ADAMTS7: variants seen among roughly 807,000 people sequenced by gnomAD.
The protein encoded by ADAMTS7 is A disintegrin and metalloproteinase with thrombospondin motifs 7.
Under a neutral mutation model 172.6 loss-of-function variants are expected in ADAMTS7, and 89 were observed. The ratio of observed to expected loss-of-function variants is 0.52; its 90% confidence interval spans 0.43 to 0.61. The LOEUF is 0.61. ADAMTS7 is among the 20% of genes least tolerant of loss of function. The probability of loss-of-function intolerance (pLI) is 0.00; values close to 1 mark genes in which losing one functional copy is unlikely to be tolerated. For synonymous variants in ADAMTS7, 885 were observed against 978.4 expected (o/e 0.90, Z 1.78); for missense variants, 1,973 against 2,355.6 (o/e 0.84, Z 3.36).
chr15:78,785,299 C>G (rs1229864498), intron 8 of ADAMTS7, among the ~76,000 whole-genome samples: 1 of 151,930 alleles, frequency 6.6e-6, no homozygotes, highest in African/African-American at 2.4e-5. Flanking sequence ...ATCTGTAATC[C>G]CAGCACTTTG....
rs376181286 is a variant in ADAMTS7, at chr15:78,762,959, G to A, written c.4741-394C>T. Among the ~76,000 whole-genome samples the A allele has an allele frequency of 3.8e-4, 58 of 152,338 alleles. 2 individuals carry two copies. The highest frequency in any genetic ancestry group is 1.0e-3 in the African/African-American group (43 of 41,578). ...CGAGGGACAGGGCAGAGGACCTGCC[G>A]CAGCCCATGGGCAGGAGGGCAGGAG... is the stretch of plus-strand genomic sequence containing the variant. On this transcript the variant is annotated intron_variant, in intron 22 of 23. Transcript: ENST00000388820.
chr15:78,799,028 G>T (rs1330778606), intron 2 of ADAMTS7, among the ~76,000 whole-genome samples: 4 of 145,210 alleles, frequency 2.8e-5, no homozygotes, highest in African/African-American at 1.0e-4. Flanking sequence ...TCTGTGAAAT[G>T]GGAATGATGC....
intron 4 of ADAMTS7, among the ~76,000 whole-genome samples, chr15:78,794,025 G>A (rs2055613230): frequency 6.6e-6 from 1 of 152,132 alleles, no homozygotes; most frequent in South Asian, 2.1e-4. Context: ...CACTTTGGGA[G>A]GACGAGGCGG....
chr15:78,805,938 G>C (rs1476066255), intron 1 of ADAMTS7, among the ~76,000 whole-genome samples: 2 of 151,736 alleles, frequency 1.3e-5, no homozygotes, highest in Non-Finnish European at 2.9e-5. Flanking sequence ...AAATTAGCCA[G>C]GCATGGTGGT....
Position 78,766,421 on chromosome 15 carries a change from T to A in ADAMTS7, c.3490A>T (p.Ile1164Leu), listed in dbSNP as rs769789257. The A allele has an allele frequency of 2.0e-6, 3 of 1,525,734 alleles. No individual in the cohort carries two copies. Among genetic ancestry groups the A allele is most frequent in the South Asian group, 2.3e-5 (2 of 87,328 alleles). 94.5% of individuals were successfully genotyped at this position (1,525,734 alleles called of 1,614,324 possible). The change falls in exon 19 of 24, where the codon ATA becomes TTA. Residue 1164 changes from isoleucine to leucine, a missense_variant. Physicochemically the swap from Ile to Leu is conservative, Grantham distance 5. Around this residue, in one of 8 missense-constraint regions of ADAMTS7, gnomAD observed 771 missense variants for 952.6 expected, o/e 0.81. Coordinates refer to ENST00000388820, the MANE Select transcript of ADAMTS7 (RefSeq NM_014272.5). ...GGGAGCCCAAGATCTGGGGCCCCTA[T>A]GGGGGTGTCTTCCTCAGGCAGGAAA... is the stretch of plus-strand genomic sequence containing the variant. The part of the protein sequence containing the change: ...INFLPEEDTP[I>L]GAPDLGLPSL...
chr15:78,777,902 C>T (rs1047781380), intron 8 of ADAMTS7, among the ~76,000 whole-genome samples: 13 of 152,214 alleles, frequency 8.5e-5, no homozygotes, highest in African/African-American at 2.4e-4. Flanking sequence ...GTCATGTGGC[C>T]CTGCTCTCCG....
chr15:78,765,373 CGG>C (rs990384946), intron 19 of ADAMTS7, among the ~76,000 whole-genome samples: 2 of 152,248 alleles, frequency 1.3e-5, no homozygotes, highest in African/African-American at 4.8e-5. Context: ...GGCGGCCATG[CGG>C]GGACCGTCCC....
At chr15:78,796,561 C>T in intron 4 of ADAMTS7, 29 bp downstream of exon 4, 1 of 1,592,462 alleles carries the variant, frequency 6.3e-7, no homozygotes, top group Non-Finnish European at 8.6e-7. Flanking sequence ...ACCATCCCCG[C>T]CACCCGCTCC....
chr15:78,764,652 C>A lies in ADAMTS7; in HGVS notation c.4322G>T (p.Gly1441Val), dbSNP rs765037682. 4.4e-6 allele frequency: 7 copies of A among 1,576,060 alleles called. No homozygotes were observed. Among genetic ancestry groups the A allele is most frequent in the Non-Finnish European group, 6.0e-6 (7 of 1,170,056 alleles). ...AVWRPVRCSS[G>V]RDEDCAPAGR... ...AGCGGGGGCGCAGTCCTCATCCCGG[C>A]CGGAGCTACAGCGCACCGGCCTCCA... The change falls in exon 20 of 24, where the codon GGC becomes GTC. Residue 1441 changes from glycine to valine, a missense_variant. By Grantham distance (109) the Gly-to-Val change is moderately radical (BLOSUM62 -3). This residue lies in a region of ADAMTS7 where 218 missense variants were observed against 216.9 expected (regional missense o/e 1.01). Coordinates refer to ENST00000388820, the MANE Select transcript of ADAMTS7 (RefSeq NM_014272.5).
At position 78,776,834 on chromosome 15, in the gene ADAMTS7, C is replaced by T; in HGVS notation, c.1475G>A (p.Cys492Tyr). ...CCCCACAGAGCACCAGAGTGTGTGG[C>T]AGACATTCTGCGAGGAGGAGGGCAT... ...SAFCEDMDNV[C>Y]HTLWCSVGTT... Residue 492 changes from cysteine to tyrosine, a missense_variant, in exon 10 of 24, where the codon TGC becomes TAC. Cys to Tyr is a radical substitution (Grantham distance 194). Around this residue, in one of 8 missense-constraint regions of ADAMTS7, gnomAD observed 526 missense variants for 662.9 expected, o/e 0.79. Transcript: ENST00000388820. 2 of 1,543,884 alleles carry T rather than the reference C, an allele frequency of 1.3e-6. No individual in the cohort carries two copies.
chr15:78,805,681 C>T (rs955005249), intron 1 of ADAMTS7, among the ~76,000 whole-genome samples: 2 of 152,188 alleles, frequency 1.3e-5, no homozygotes, highest in African/African-American at 4.8e-5. Flanking sequence ...TTTACGTTAC[C>T]TGCCTAGTCC....
At chr15:78,788,096 C>T (rs1267761416) in intron 8 of ADAMTS7, 135 bp downstream of exon 8, 24 of 1,238,360 alleles carry the variant, frequency 1.9e-5, no homozygotes, top group Admixed American at 4.3e-5. Context: ...CCCCATTAGA[C>T]CTTGACCTCA....
intron 1 of ADAMTS7, among the ~76,000 whole-genome samples, chr15:78,802,192 CT>C (rs752420183): frequency 2.0e-5 from 3 of 152,022 alleles, no homozygotes; most frequent in Non-Finnish European, 4.4e-5. Context: ...GAACTTAGTC[CT>C]TTTTTGGTAT....
Position 78,764,917 on chromosome 15 carries a change from TCC to T in ADAMTS7, c.4267-212_4267-211del, listed in dbSNP as rs973861117. The T allele has an allele frequency of 3.4e-5, 18 of 523,670 alleles. No homozygotes were observed. In the Admixed American group the frequency reaches 6.3e-4, roughly 18 times the overall value. 32.4% of individuals were successfully genotyped at this position (523,670 alleles called of 1,614,324 possible). On this transcript the variant is annotated intron_variant, in intron 19 of 23. Transcript: ENST00000388820. ...GTCAAATCCCCTCAGCAACCAGCCG[TCC>T]CTGCTCACATGGGACAAAGGGCCTG... is the stretch of plus-strand genomic sequence containing the variant.
intron 23 of ADAMTS7, 73 bp from the exon 24 acceptor site, chr15:78,759,651 C>A: frequency 3.5e-6 from 5 of 1,433,990 alleles, no homozygotes; most frequent in Non-Finnish European, 4.6e-6. Context: ...CTACGCCAAC[C>A]ACCTTAAGGA....
At chr15:78,800,620 G>A (rs1460169403) in intron 1 of ADAMTS7, 73 bp from the exon 2 acceptor site, 4 of 1,447,378 alleles carry the variant, frequency 2.8e-6, no homozygotes, top group Non-Finnish European at 2.8e-6. Flanking sequence ...GGGACCAGAA[G>A]GGAGCGGCCA....
rs199602558 is a variant in ADAMTS7 at position 78,796,627 on chromosome 15, G to A, written c.782C>T (p.Pro261Leu). The change falls in exon 4 of 24, where the codon CCG becomes CTG. Residue 261 changes from proline (P) to leucine (L), a missense_variant. Pro to Leu is a moderately conservative substitution (Grantham distance 98). Around this residue, in one of 8 missense-constraint regions of ADAMTS7, gnomAD observed 526 missense variants for 662.9 expected, o/e 0.79. Coordinates refer to ENST00000388820, the MANE Select transcript of ADAMTS7 (RefSeq NM_014272.5). ...GGTCAGCACATAGCTCTCAACCTGC[G>A]GCTGTCCGTGGTACTCCACCATTTT... is the stretch of plus-strand genomic sequence containing the variant. The part of the protein sequence containing the change: ...DAKMVEYHGQ[P>L]QVESYVLTIM... 95 of 1,613,612 alleles carry A rather than the reference G, an allele frequency of 5.9e-5. 1 individual carries two copies. The highest frequency in any genetic ancestry group is 7.3e-5 in the Non-Finnish European group (86 of 1,179,910).
chr15:78,767,512 C>A lies in ADAMTS7; in HGVS notation c.2726G>T (p.Arg909Leu). ...GCTCTGCTCATCCAGCCCCACGCTG[C>A]GGATGCAGAGCACGGCCCGGCGGGA... Reference protein sequence around the residue: ...GLSRRAVLCIRSVGLDEQSAL... With the variant: ...GLSRRAVLCILSVGLDEQSAL... The change falls in exon 18 of 24, where the codon CGC (arginine) becomes CTC (leucine). Residue 909 changes from arginine (R) to leucine (L), a missense_variant. This residue lies in a region of ADAMTS7 where 771 missense variants were observed against 952.6 expected (regional missense o/e 0.81). Coordinates refer to ENST00000388820, the MANE Select transcript of ADAMTS7 (RefSeq NM_014272.5). The A allele has an allele frequency of 6.2e-7, 1 of 1,607,720 alleles. No individual in the cohort carries two copies. The highest frequency in any genetic ancestry group is 8.5e-7 in the Non-Finnish European group (1 of 1,178,260).
chr15:78,768,270 C>A lies in ADAMTS7; in HGVS notation c.2519-11G>T, dbSNP rs761770073. The A allele has an allele frequency of 6.2e-7, 1 of 1,610,188 alleles. No homozygotes were observed. Among genetic ancestry groups the A allele is most frequent in the Admixed American group, 1.7e-5 (1 of 59,926 alleles). On this transcript the variant is annotated splice_polypyrimidine_tract_variant and intron_variant, in intron 16 of 23. Coordinates refer to ENST00000388820, the MANE Select transcript of ADAMTS7 (RefSeq NM_014272.5). ...TCTGCCTCTGCACACCTAGGGGCCACGGGGCTCAGCCTGGGACTGGCACCC... is the reference window on the plus strand; with the variant it reads ...TCTGCCTCTGCACACCTAGGGGCCAAGGGGCTCAGCCTGGGACTGGCACCC...
Sources: gnomAD v4.1 joint callset for allele counts (sites outside exome capture counted in the v4.1 genomes callset) on GRCh38, gnomAD v4.1.1 for gene constraint, gnomAD v4.1.1 regional missense constraint, MANE v1.5 for transcripts, NCBI Gene and HGNC (gene_info 2026-07-23, HGNC 2026-07-21) for gene names.